The following SLC26A5 variants were observed in gnomAD, a reference collection of about 807,000 sequenced individuals.
The protein encoded by SLC26A5 is prestin.
A neutral mutation model predicts 81.0 loss-of-function variants in SLC26A5; 51 were observed. The ratio of observed to expected loss-of-function variants is 0.63; its 90% CI spans 0.50 to 0.80. SLC26A5 has a LOEUF of 0.80. Among genes scored for constraint, SLC26A5 ranks in the 30% least tolerant of loss-of-function variants. The probability of loss-of-function intolerance (pLI) is 0.00; values close to 1 mark genes in which losing one functional copy is unlikely to be tolerated. For synonymous variants in SLC26A5, 325 were observed against 332.8 expected, an observed-to-expected ratio of 0.98 and a Z score of 0.25; for missense variants, 771 against 905.8, an observed-to-expected ratio of 0.85 and a Z score of 1.91.
chr7:103,395,335 C>A (rs1045153295), intron 9 of SLC26A5, among the ~76,000 whole-genome samples: 3 of 132,244 alleles, frequency 2.3e-5, no homozygotes, highest in African/African-American at 5.5e-5. Flanking sequence ...TTTCCAGAAA[C>A]GTAAGGTCTT....
At chr7:103,444,112 G>A (rs139222995) in intron 1 of SLC26A5, among the ~76,000 whole-genome samples, 1 of 152,090 alleles carries the variant, frequency 6.6e-6, no homozygotes, top group Non-Finnish European at 1.5e-5. Context: ...TCAAAAGAAG[G>A]ATTAAAAGAG....
intron 19 of SLC26A5, among the ~76,000 whole-genome samples, chr7:103,365,381 T>C (rs148939216): frequency 0.064 from 9,749 of 152,078 alleles, 471 homozygotes; most frequent in African/African-American, 0.14. Flanking sequence ...CCTGTAATCC[T>C]AGCACTTTGG....
In SLC26A5 at chr7:103,441,946, T is replaced by A. The variant is rs182953466; in HGVS notation, c.-54+1137A>T. 3.7e-3 allele frequency among the ~76,000 whole-genome samples: 567 copies of A among 152,360 alleles called. 12 individuals carry two copies. The highest frequency in any genetic ancestry group is 0.034 in the Admixed American group (516 of 15,304). ...GAGGAGGCGCAATGCTGGGCCAGGC[T>A]ATGTTTAACAGGGACTCTGTGGGCC... On this transcript the variant is annotated intron_variant, in intron 2 of 19. Coordinates refer to ENST00000306312, the MANE Select transcript of SLC26A5 (RefSeq NM_198999.3).
intron 11 of SLC26A5, 44 bp from the exon 12 acceptor site, chr7:103,390,550 A>G (rs1208669574): frequency 1.3e-6 from 2 of 1,491,848 alleles, no homozygotes; most frequent in East Asian, 4.5e-5. Context: ...AGGAGACTTG[A>G]ATAAGAGGCA....
intron 19 of SLC26A5, chr7:103,368,774 A>G (rs567794252): frequency 1.3e-5 from 2 of 152,358 alleles, no homozygotes; most frequent in South Asian, 2.1e-4. Context: ...ATATTTGTAC[A>G]TATGATCTAA....
chr7:103,426,369 T>C (rs2116762924), intron 2 of SLC26A5, among the ~76,000 whole-genome samples: 1 of 152,310 alleles, frequency 6.6e-6, no homozygotes, highest in South Asian at 2.1e-4. Context: ...CCAGAGAAAA[T>C]ATAGAAGGCT....
intron 2 of SLC26A5, among the ~76,000 whole-genome samples, chr7:103,442,482 G>A (rs1826955578): frequency 6.6e-6 from 1 of 152,132 alleles, no homozygotes; most frequent in Non-Finnish European, 1.5e-5. Flanking sequence ...AGGGCCATGA[G>A]GGAGGGGACA....
At chr7:103,400,741 T>C (rs1038879993) in intron 8 of SLC26A5, among the ~76,000 whole-genome samples, 4 of 152,196 alleles carry the variant, frequency 2.6e-5, no homozygotes, top group African/African-American at 9.7e-5. Context: ...AGTTAATTTT[T>C]GTATAAGGTG....
At chr7:103,419,415 T>C (rs191756871) in intron 4 of SLC26A5, among the ~76,000 whole-genome samples, 15 of 152,336 alleles carry the variant, frequency 9.8e-5, no homozygotes, top group African/African-American at 3.6e-4. Context: ...ATTCATTCTT[T>C]GTACCATACC....
chr7:103,412,895 G>A, intron 5 of SLC26A5, 107 bp downstream of exon 5: 1 of 857,562 alleles, frequency 1.2e-6, no homozygotes, highest in Non-Finnish European at 1.9e-6. Context: ...AGTAACAAAA[G>A]TTGTTATTAA....
intron 8 of SLC26A5, among the ~76,000 whole-genome samples, chr7:103,403,900 G>A (rs1453403434): frequency 6.6e-6 from 1 of 151,968 alleles, no homozygotes; most frequent in Admixed American, 6.6e-5. Flanking sequence ...TGTTATGCGT[G>A]GGCCAGGTGC....
At position 103,374,438 on chromosome 7, in the gene SLC26A5, G is replaced by C. The variant is rs774454351; in HGVS notation, c.2196C>G (p.Asp732Glu). ...QEASAPPSQE[D>E]LEPNATPATP... ...TGGCAGGAGTGGCATTGGGCTCCAA[G>C]TCCTCCTGGGAAGGGGGAGCCGAGG... The change falls in exon 20 of 20, where the codon GAC (aspartate) becomes GAG (glutamate). Residue 732 changes from aspartate (D) to glutamate (E), a missense_variant. Physicochemically the swap from Asp to Glu is conservative, Grantham distance 45 (BLOSUM62 2). Coordinates refer to ENST00000306312, the MANE Select transcript of SLC26A5 (RefSeq NM_198999.3). 6.2e-6 allele frequency: 10 copies of C among 1,612,678 alleles called. No homozygotes were observed. The East Asian group carries it at 2.2e-4, about 36-fold the overall frequency.
intron 16 of SLC26A5, 79 bp from the exon 17 acceptor site, chr7:103,378,632 C>T (rs1821538995): frequency 1.6e-6 from 2 of 1,219,122 alleles, no homozygotes; most frequent in Non-Finnish European, 2.4e-6. Flanking sequence ...CTTCAAATCT[C>T]CCCATTTAAC....
intron 1 of SLC26A5, among the ~76,000 whole-genome samples, chr7:103,444,418 G>T (rs35080513): frequency 6.6e-6 from 1 of 152,076 alleles, no homozygotes; most frequent in Admixed American, 6.6e-5. Context: ...GATACCAGGG[G>T]GCAACACATG....
chr7:103,373,349 C>T (rs1368620260), downstream of SLC26A5, among the ~76,000 whole-genome samples: 1 of 152,156 alleles, frequency 6.6e-6, no homozygotes, highest in Non-Finnish European at 1.5e-5. Flanking sequence ...AAGCATGTAT[C>T]TTATCTATGA....
At chr7:103,405,403 CCTTT>C (rs968327412) in intron 8 of SLC26A5, among the ~76,000 whole-genome samples, 12 of 152,152 alleles carry the variant, frequency 7.9e-5, no homozygotes, top group African/African-American at 2.9e-4. Flanking sequence ...TGATGCTATT[CCTTT>C]CTGTTTGTTA....
At chr7:103,417,782 CTT>C (rs946785444) in intron 4 of SLC26A5, among the ~76,000 whole-genome samples, 1 of 152,156 alleles carries the variant, frequency 6.6e-6, no homozygotes, top group African/African-American at 2.4e-5. Context: ...GAGTTTTGCT[CTT>C]GTCACCCAGG....
intron 2 of SLC26A5, among the ~76,000 whole-genome samples, chr7:103,428,916 C>G (rs949739748): frequency 1.3e-5 from 2 of 152,174 alleles, no homozygotes; most frequent in African/African-American, 4.8e-5. Context: ...ACTGCAGGTA[C>G]TATGCTGTAC....
chr7:103,355,627 G>C, intron 19 of SLC26A5: 1 of 1,220,634 alleles, frequency 8.2e-7, no homozygotes, highest in Admixed American at 1.7e-5. Flanking sequence ...TAGTGCTGAG[G>C]TTTAGAAAGC....
Sources: gnomAD v4.1 joint callset for allele counts (sites outside exome capture counted in the v4.1 genomes callset) on GRCh38, gnomAD v4.1.1 for gene constraint, MANE v1.5 for transcripts, NCBI Gene and HGNC (gene_info 2026-07-23, HGNC 2026-07-21) for gene names.